The following CDH23 variants were observed in gnomAD, a reference collection of about 807,000 sequenced individuals.
The protein encoded by CDH23 is cadherin related 23.
Under a neutral mutation model 317.1 loss-of-function variants are expected in CDH23, and 189 were observed. That is an observed-to-expected ratio of 0.60 (90% CI 0.53 to 0.67). The LOEUF (loss-of-function observed/expected upper bound fraction) is 0.67. Ranked by LOEUF, CDH23 falls within the 30% of genes least tolerant of loss-of-function variation. The pLI is 0.00. For synonymous variants in CDH23, 1,839 were observed against 1,876.8 expected, an observed-to-expected ratio of 0.98 and a Z score of 0.52; for missense variants, 4,401 against 4,592.4, an observed-to-expected ratio of 0.96 and a Z score of 1.20.
At chr10:71,485,226 C>T (rs578027110) in intron 3 of CDH23, among the ~76,000 whole-genome samples, 51 of 152,034 alleles carry the variant, frequency 3.4e-4, no homozygotes, top group Admixed American at 7.2e-4. Context: ...GGGGTTTCAC[C>T]GTGTTAGCCA....
intron 3 of CDH23, among the ~76,000 whole-genome samples, chr10:71,473,860 C>T (rs926715278): frequency 4.6e-5 from 7 of 152,194 alleles, no homozygotes; most frequent in African/African-American, 1.4e-4. Flanking sequence ...TCCCCAGGGA[C>T]CTGTTGCCCA....
chr10:71,586,284 T>C (rs1018345150), intron 9 of CDH23, among the ~76,000 whole-genome samples: 1 of 152,208 alleles, frequency 6.6e-6, no homozygotes, highest in African/African-American at 2.4e-5. Context: ...TTTTGTTTCT[T>C]TTCTGCTTTT....
At chr10:71,757,783 C>T (rs1840188868) in intron 38 of CDH23, among the ~76,000 whole-genome samples, 1 of 152,168 alleles carries the variant, frequency 6.6e-6, no homozygotes, top group South Asian at 2.1e-4. Flanking sequence ...GGTTGGGCTG[C>T]CTGGTTTCCC....
intron 16 of CDH23, 83 bp from the exon 17 acceptor site, chr10:71,679,304 T>TC: frequency 1.2e-6 from 1 of 867,764 alleles, no homozygotes; most frequent in Non-Finnish European, 1.9e-6. Context: ...GGGCCAGTCT[T>TC]CCCCACCCTC....
Position 71,690,579 on chromosome 10 carries a change from G to C in CDH23, c.2171G>C (p.Arg724Pro), listed in dbSNP as rs374955091. 3.8e-6 allele frequency: 6 copies of C among 1,587,934 alleles called. No individual in the cohort carries two copies. The African/African-American group carries it at 6.7e-5, about 18-fold the overall frequency. ...EGSTQFRINARSGEITTTSLL... is the reference protein window; with the variant it reads ...EGSTQFRINAPSGEITTTSLL... ...TCCACCCAGTTTCGGATCAATGCCC[G>C]CTCAGGTGAGCCCCCCCACCCCAAG... Residue 724 changes from arginine (R) to proline (P), a missense_variant, in exon 20 of 70, where the codon CGC becomes CCC. Arg to Pro is a moderately radical substitution (Grantham distance 103). Coordinates refer to ENST00000224721, the MANE Select transcript of CDH23 (RefSeq NM_022124.6).
intron 61 of CDH23, 133 bp from the exon 62 acceptor site, chr10:71,810,339 G>A (rs1841878849): frequency 8.7e-6 from 8 of 919,316 alleles, no homozygotes; most frequent in Non-Finnish European, 1.4e-5. Context: ...CTGGTCCTCA[G>A]CAAACATTCA....
At chr10:71,760,743 G>A in intron 38 of CDH23, 1 of 839,136 alleles carries the variant, frequency 1.2e-6, no homozygotes, top group Non-Finnish European at 2.0e-6. Context: ...CAGCAGAAAA[G>A]GAGGAGGACC....
chr10:71,803,497 C>T (rs1841619416), intron 55 of CDH23, 77 bp downstream of exon 55: 1 of 1,350,000 alleles, frequency 7.4e-7, no homozygotes, highest in African/African-American at 1.4e-5. Flanking sequence ...GGAAGCACCC[C>T]ACTCTAAAGG....
At chr10:71,635,156 A>G (rs1291774551) in intron 11 of CDH23, 1 of 152,620 alleles carries the variant, frequency 6.6e-6, no homozygotes, top group Non-Finnish European at 1.5e-5. Flanking sequence ...TGGGCTGCAG[A>G]TTAGGAAAAT....
At chr10:71,773,451 A>T in intron 38 of CDH23, 2 of 1,584,548 alleles carry the variant, frequency 1.3e-6, no homozygotes, top group Non-Finnish European at 1.7e-6. Context: ...TCGCCGTCGG[A>T]CGCGCAGAGG....
intron 15 of CDH23, among the ~76,000 whole-genome samples, chr10:71,675,950 G>A (rs1864347820): frequency 8.0e-6 from 1 of 125,350 alleles, no homozygotes; most frequent in African/African-American, 3.0e-5. Flanking sequence ...CTGTTGCCCA[G>A]GCTGTAGTGC....
intron 3 of CDH23, among the ~76,000 whole-genome samples, chr10:71,478,331 T>C (rs1359417307): frequency 6.6e-6 from 1 of 152,226 alleles, no homozygotes; most frequent in African/African-American, 2.4e-5. Flanking sequence ...ACAGTTCTAT[T>C]GATGCATCAT....
chr10:71,696,330 TG>T (rs1865389854), intron 22 of CDH23, among the ~76,000 whole-genome samples: 1 of 152,198 alleles, frequency 6.6e-6, no homozygotes, highest in South Asian at 2.1e-4. Context: ...TCCTGGCAAT[TG>T]ACTGAACACC....
At chr10:71,533,570 C>CACACA (rs1855536445) in intron 6 of CDH23, among the ~76,000 whole-genome samples, 7 of 112,310 alleles carry the variant, frequency 6.2e-5, no homozygotes, top group Admixed American at 5.1e-4. Context: ...CACACACACA[C>CACACA]TGGCTGGGGC....
Position 71,738,540 on chromosome 10 carries a change from T to G in CDH23, c.4252T>G (p.Phe1418Val), listed in dbSNP as rs974717000. The change falls in exon 35 of 70, where the codon TTT (phenylalanine) becomes GTT (valine). Residue 1418 changes from phenylalanine (F) to valine (V), a missense_variant. By Grantham distance (50) the Phe-to-Val change is conservative. Around this residue, in one of 3 missense-constraint regions of CDH23, gnomAD observed 3,068 missense variants for 3,203.3 expected, o/e 0.96. Transcript: ENST00000224721. ...VLDENDNSPR[F>V]DFTSDSAVSI... is the part of the protein sequence containing the mutation. ...GGACGAGAATGACAACAGCCCCCGG[T>G]TTGACTTCACCTCCGACTCGGCGGT... is the stretch of plus-strand genomic sequence containing the variant. 3.1e-6 allele frequency: 5 copies of G among 1,613,798 alleles called. No homozygotes were observed. The highest frequency in any genetic ancestry group is 4.2e-6 in the Non-Finnish European group (5 of 1,179,892).
chr10:71,764,339 G>A (rs1840475408), intron 38 of CDH23, among the ~76,000 whole-genome samples: 1 of 152,068 alleles, frequency 6.6e-6, no homozygotes, highest in Non-Finnish European at 1.5e-5. Flanking sequence ...GTAACTCACT[G>A]ATGATCACAC....
chr10:71,689,097 G>T (rs1865069045), intron 19 of CDH23, among the ~76,000 whole-genome samples: 1 of 143,502 alleles, frequency 7.0e-6, no homozygotes, highest in African/African-American at 2.5e-5. Context: ...TGGAGCCAGG[G>T]GTGGTGGAGT....
intron 3 of CDH23, among the ~76,000 whole-genome samples, chr10:71,497,724 G>A (rs1296432167): frequency 6.6e-6 from 1 of 152,202 alleles, no homozygotes; most frequent in Non-Finnish European, 1.5e-5. Flanking sequence ...ATGTGGTGTG[G>A]TGGAAAGAAC....
At position 71,781,141 on chromosome 10, in the gene CDH23, T is replaced by A. The variant is rs544513206; in HGVS notation, c.5368+1694T>A. On this transcript the variant is annotated intron_variant, in intron 41 of 69. Transcript: ENST00000224721. ...TTTGGGAGTTGTCAGCATAGAGGTA[T>A]TTAAATCCAGGAAACAAAGAGCGGT... Among the ~76,000 whole-genome samples, 6 of 152,128 alleles carry A rather than the reference T, an allele frequency of 3.9e-5. No individual in the cohort carries two copies. In the South Asian group the frequency reaches 1.2e-3, roughly 32 times the overall value.
Sources: gnomAD v4.1 joint callset for allele counts (sites outside exome capture counted in the v4.1 genomes callset) on GRCh38, gnomAD v4.1.1 for gene constraint, gnomAD v4.1.1 regional missense constraint, MANE v1.5 for transcripts, NCBI Gene and HGNC (gene_info 2026-07-23, HGNC 2026-07-21) for gene names.